The following MAML3 variants were observed in gnomAD, a reference collection of about 807,000 sequenced individuals.
The protein encoded by MAML3 is mastermind like transcriptional coactivator 3, also known as mastermind-like protein 3.
Under a neutral mutation model 101.9 loss-of-function variants are expected in MAML3, and 27 were observed. That is an observed-to-expected ratio of 0.27 (90% CI 0.20 to 0.37). The LOEUF (loss-of-function observed/expected upper bound fraction) is 0.37. Among genes scored for constraint, MAML3 ranks in the 10% least tolerant of loss-of-function variants. The pLI is 1.00. For synonymous variants in MAML3, 501 were observed against 555.9 expected, an observed-to-expected ratio of 0.90 and a Z score of 1.39; for missense variants, 1,316 against 1,444.9, an observed-to-expected ratio of 0.91 and a Z score of 1.45.
chr4:139,979,073 T>C (rs1348390215), intron 1 of MAML3, among the ~76,000 whole-genome samples: 1 of 152,170 alleles, frequency 6.6e-6, no homozygotes, highest in Non-Finnish European at 1.5e-5. Flanking sequence ...AAGCATTTTG[T>C]ATGTGTCCGG....
In MAML3 at chr4:139,841,216, T is replaced by C. The variant is rs77772118; in HGVS notation, c.2079+48141A>G. ...TACTTCCACATTTTAGCCTTGCTGC[T>C]GTGCAAGAAAAACACATGCATTTAA... is the stretch of plus-strand genomic sequence containing the variant. On this transcript the variant is annotated intron_variant, in intron 2 of 4. Coordinates refer to ENST00000509479, the MANE Select transcript of MAML3 (RefSeq NM_018717.5). 5.5e-3 allele frequency among the ~76,000 whole-genome samples: 845 copies of C among 152,324 alleles called. 13 individuals are homozygous for C. The highest frequency in any genetic ancestry group is 0.019 in the African/African-American group (796 of 41,554).
chr4:139,841,279 C>CA (rs1416010227), intron 2 of MAML3, among the ~76,000 whole-genome samples: 1 of 152,216 alleles, frequency 6.6e-6, no homozygotes, highest in East Asian at 1.9e-4. Flanking sequence ...CGAAGAGCCA[C>CA]ACATCAGCAA....
intron 1 of MAML3, among the ~76,000 whole-genome samples, chr4:140,030,531 C>G (rs1409090799): frequency 6.6e-6 from 1 of 152,228 alleles, no homozygotes; most frequent in African/African-American, 2.4e-5. Flanking sequence ...CCACCTCCTC[C>G]CACCTTTTCC....
In MAML3 at chr4:139,822,139, C is replaced by T. The variant is rs535554104; in HGVS notation, c.2079+67218G>A. ...ACATTATCACCATCATCACAATCAC[C>T]ATCATCATCACCATCATGATCATCA... is the stretch of plus-strand genomic sequence containing the variant. On this transcript the variant is annotated intron_variant, in intron 2 of 4. Transcript: ENST00000509479. Among the ~76,000 whole-genome samples, 8 of 152,128 alleles carry T rather than the reference C, an allele frequency of 5.3e-5. No homozygotes were observed. In the East Asian group the frequency reaches 1.5e-3, roughly 29 times the overall value.
chr4:140,133,622 C>T (rs949390257), intron 1 of MAML3, among the ~76,000 whole-genome samples: 12 of 152,172 alleles, frequency 7.9e-5, no homozygotes, highest in South Asian at 4.2e-4. Context: ...TCCCCATAAC[C>T]GTGGAAGATT....
chr4:139,761,622 T>C (rs1729762958), intron 2 of MAML3, among the ~76,000 whole-genome samples: 1 of 152,220 alleles, frequency 6.6e-6, no homozygotes, highest in Non-Finnish European at 1.5e-5. Flanking sequence ...GATGGCCCTC[T>C]ACAGGTCAGG....
At position 139,927,413 on chromosome 4, in the gene MAML3, C is replaced by T. The variant is rs189313171; in HGVS notation, c.469-36446G>A. ...TCACTGTAAAGTTACTTAATTTTTC[C>T]CTTGGTAGCAAATAAGCATTTTAAG... is the stretch of plus-strand genomic sequence containing the variant. On this transcript the variant is annotated intron_variant, in intron 1 of 4. Transcript: ENST00000509479. Among the ~76,000 whole-genome samples, 4 of 152,226 alleles carry T rather than the reference C, an allele frequency of 2.6e-5. No individual in the cohort carries two copies. In the East Asian group the frequency reaches 7.7e-4, roughly 29 times the overall value.
chr4:139,902,279 A>G (rs1323724111), intron 1 of MAML3, among the ~76,000 whole-genome samples: 1 of 151,792 alleles, frequency 6.6e-6, no homozygotes, highest in Non-Finnish European at 1.5e-5. Context: ...ACACACGCAC[A>G]CACACACACA....
chr4:139,856,093 A>C (rs576232467), intron 2 of MAML3, among the ~76,000 whole-genome samples: 44 of 152,280 alleles, frequency 2.9e-4, no homozygotes, highest in African/African-American at 9.9e-4. Context: ...CAAGAGACTA[A>C]AAGCTCCTGG....
intron 2 of MAML3, among the ~76,000 whole-genome samples, chr4:139,739,569 T>C (rs894762891): frequency 5.9e-5 from 9 of 151,982 alleles, no homozygotes; most frequent in Non-Finnish European, 1.0e-4. Context: ...TTATGGTACA[T>C]CCATACCATG....
intron 2 of MAML3, among the ~76,000 whole-genome samples, chr4:139,751,645 C>T (rs559723390): frequency 3.9e-5 from 6 of 152,248 alleles, no homozygotes; most frequent in African/African-American, 1.4e-4. Flanking sequence ...TAGCCCCTAA[C>T]CCTAAATAGT....
At chr4:139,968,670 G>A (rs1734183001) in intron 1 of MAML3, among the ~76,000 whole-genome samples, 1 of 152,166 alleles carries the variant, frequency 6.6e-6, no homozygotes, top group African/African-American at 2.4e-5. Context: ...TAAGGCACAA[G>A]GAGGTCAAGT....
At chr4:140,054,386 A>G (rs1483451629) in intron 1 of MAML3, among the ~76,000 whole-genome samples, 2 of 150,768 alleles carry the variant, frequency 1.3e-5, no homozygotes, top group East Asian at 3.9e-4. Context: ...AAAAAAAAAG[A>G]AAAGAAAAGA....
At chr4:139,978,788 C>G (rs1370188227) in intron 1 of MAML3, among the ~76,000 whole-genome samples, 5 of 152,084 alleles carry the variant, frequency 3.3e-5, no homozygotes, top group African/African-American at 9.7e-5. Flanking sequence ...TGACATCCCC[C>G]CCAGAGACCT....
chr4:140,089,278 G>A (rs1728006226), intron 1 of MAML3, among the ~76,000 whole-genome samples: 1 of 152,102 alleles, frequency 6.6e-6, no homozygotes. Context: ...AGTAAGGCAA[G>A]GCTTAGTTTG....
chr4:139,962,038 G>T (rs1417038259), intron 1 of MAML3, among the ~76,000 whole-genome samples: 1 of 152,102 alleles, frequency 6.6e-6, no homozygotes, highest in Non-Finnish European at 1.5e-5. Flanking sequence ...TGGGAGGATT[G>T]CTTGAGCCCA....
rs1472634924 is a variant in MAML3, at chr4:140,152,863, G to A, written c.465C>T (p.Ile155=). The change falls in exon 1 of 5, where the codon ATC becomes ATT. Residue 155 remains isoleucine, a synonymous_variant. Coordinates refer to ENST00000509479, the MANE Select transcript of MAML3 (RefSeq NM_018717.5). The part of the protein sequence containing the change: ...ASAEQRNHTL[I]MLQETVKRKL... ...CCCGCTGCCCGTGCGCCCTCACCAT[G>A]ATCAGCGTGTGGTTCCTCTGCTCCG... 1 of 1,609,902 alleles carries A rather than the reference G, an allele frequency of 6.2e-7. No individual in the cohort carries two copies. The highest frequency in any genetic ancestry group is 8.5e-7 in the Non-Finnish European group (1 of 1,178,452).
chr4:139,754,612 A>T (rs1171577768), intron 2 of MAML3, among the ~76,000 whole-genome samples: 2 of 152,204 alleles, frequency 1.3e-5, no homozygotes, highest in African/African-American at 2.4e-5. Flanking sequence ...AATTCCTAAA[A>T]GTAGAAGTTT....
At chr4:139,723,718 TA>T (rs542311778) in intron 4 of MAML3, among the ~76,000 whole-genome samples, 2 of 152,130 alleles carry the variant, frequency 1.3e-5, no homozygotes, top group Non-Finnish European at 2.9e-5. Context: ...CCCCCACAAA[TA>T]ATACATGAGT....
Sources: gnomAD v4.1 joint callset for allele counts (sites outside exome capture counted in the v4.1 genomes callset) on GRCh38, gnomAD v4.1.1 for gene constraint, MANE v1.5 for transcripts, NCBI Gene and HGNC (gene_info 2026-07-23, HGNC 2026-07-21) for gene names.